Variants in HYCC2 observed in about 807,000 individuals in gnomAD.
HYCC2 encodes the protein hyccin PI4KA lipid kinase complex subunit 2.
At chr2:201,010,221 C>T in the HYCC2 span, among the ~76,000 whole-genome samples, 1 of 152,088 alleles carries the variant, frequency 6.6e-6, no homozygotes. Flanking sequence ...CAGAAATATA[C>T]TGTGCTAAAA....
At chr2:201,071,092 T>C in the HYCC2 span, among the ~76,000 whole-genome samples, 1 of 152,188 alleles carries the variant, frequency 6.6e-6, no homozygotes, top group Admixed American at 6.5e-5. Flanking sequence ...ACCTAGTTGT[T>C]TGGGTAAATA....
the HYCC2 span, chr2:201,022,639 T>C: frequency 1.2e-5 from 5 of 429,186 alleles, no homozygotes; most frequent in African/African-American, 2.1e-5. Flanking sequence ...CAGGAAAAAA[T>C]TTGACCAAAA....
At chr2:200,981,977 T>C in the HYCC2 span, 1 of 1,225,204 alleles carries the variant, frequency 8.2e-7, no homozygotes, top group Non-Finnish European at 1.1e-6. This position sits in a 1 kb window ranked among gnomAD's most constrained non-coding sequence, Gnocchi z 4.5. Context: ...CTATAGGTTG[T>C]CAATGGCCCT....
At chr2:201,005,982 C>A in the HYCC2 span, among the ~76,000 whole-genome samples, 2 of 151,966 alleles carry the variant, frequency 1.3e-5, no homozygotes, top group African/African-American at 2.4e-5. Flanking sequence ...TACAGGCATG[C>A]GCCACCACGC....
chr2:200,998,678 T>C, the HYCC2 span, among the ~76,000 whole-genome samples: 1 of 152,222 alleles, frequency 6.6e-6, no homozygotes, highest in Non-Finnish European at 1.5e-5. Flanking sequence ...TAAATCTGGA[T>C]GCACATTAGT....
chr2:201,055,741 T>C, the HYCC2 span, among the ~76,000 whole-genome samples: 4 of 152,074 alleles, frequency 2.6e-5, no homozygotes, highest in Admixed American at 2.6e-4. Context: ...CAAGTTATCA[T>C]AGCTCAGCCT....
the HYCC2 span, chr2:201,016,883 G>A: frequency 2.7e-6 from 3 of 1,101,488 alleles, no homozygotes; most frequent in Non-Finnish European, 3.9e-6. Flanking sequence ...TTACAGGCAT[G>A]AGCCACTGCG....
chr2:201,023,684 C>T, the HYCC2 span: 2 of 238,264 alleles, frequency 8.4e-6, no homozygotes, highest in Non-Finnish European at 1.6e-5. Context: ...GATGGATCTT[C>T]TCTTTTACTG....
the HYCC2 span, chr2:201,063,612 G>A: frequency 6.3e-7 from 1 of 1,580,038 alleles, no homozygotes; most frequent in Non-Finnish European, 8.6e-7. Context: ...GGCCACAACT[G>A]TGAAGTTAGA....
At chr2:201,050,355 T>A in the HYCC2 span, among the ~76,000 whole-genome samples, 3 of 151,770 alleles carry the variant, frequency 2.0e-5, no homozygotes, top group Non-Finnish European at 4.4e-5. Flanking sequence ...AATAAAGAAA[T>A]GGAATGTATT....
the HYCC2 span, among the ~76,000 whole-genome samples, chr2:200,984,609 G>C: frequency 3.3e-5 from 5 of 152,220 alleles, no homozygotes; most frequent in Non-Finnish European, 5.9e-5. Flanking sequence ...GCTTGGTGGG[G>C]TATGGTGGCT....
the HYCC2 span, among the ~76,000 whole-genome samples, chr2:201,029,796 G>A: frequency 6.6e-6 from 1 of 152,132 alleles, no homozygotes; most frequent in Non-Finnish European, 1.5e-5. Context: ...GGGGGATGGG[G>A]GAAGGATAGC....
chr2:200,989,423 C>G, the HYCC2 span, among the ~76,000 whole-genome samples: 1 of 152,046 alleles, frequency 6.6e-6, no homozygotes, highest in African/African-American at 2.4e-5. Flanking sequence ...GATTAGGAAA[C>G]AAATGGGAAT....
the HYCC2 span, among the ~76,000 whole-genome samples, chr2:201,002,629 G>A: frequency 1.4e-4 from 21 of 151,534 alleles, no homozygotes; most frequent in Non-Finnish European, 2.4e-4. Context: ...GGGTTCAAGC[G>A]ATTCTCCTGC....
At chr2:201,010,438 G>A in the HYCC2 span, among the ~76,000 whole-genome samples, 1 of 152,192 alleles carries the variant, frequency 6.6e-6, no homozygotes, top group Non-Finnish European at 1.5e-5. Flanking sequence ...AAAGGCCACT[G>A]CAGACCACAA....
At chr2:201,034,589 G>A in the HYCC2 span, among the ~76,000 whole-genome samples, 1 of 152,272 alleles carries the variant, frequency 6.6e-6, no homozygotes, top group South Asian at 2.1e-4. Context: ...TTTAATTGGA[G>A]GATTTAGCCC....
the HYCC2 span, among the ~76,000 whole-genome samples, chr2:201,016,171 A>T: frequency 2.6e-5 from 4 of 151,986 alleles, no homozygotes; most frequent in Non-Finnish European, 5.9e-5. Flanking sequence ...TAATAATACA[A>T]TCAATTATAG....
chr2:201,050,866 C>T, the HYCC2 span, among the ~76,000 whole-genome samples: 2 of 151,948 alleles, frequency 1.3e-5, no homozygotes, highest in Non-Finnish European at 2.9e-5. Flanking sequence ...ACCCAGGAGG[C>T]GGAGGTTGCA....
the HYCC2 span, among the ~76,000 whole-genome samples, chr2:201,004,415 TG>T: frequency 6.6e-6 from 1 of 152,162 alleles, no homozygotes; most frequent in Non-Finnish European, 1.5e-5. Context: ...AATGCAGAGA[TG>T]GGTTGAATTT....
Sources: gnomAD v4.1 joint callset for allele counts (sites outside exome capture counted in the v4.1 genomes callset) on GRCh38, gnomAD v4.1.1 for gene constraint, Gnocchi (gnomAD v3.1) non-coding constraint, MANE v1.5 for transcripts, NCBI Gene and HGNC (gene_info 2026-07-23, HGNC 2026-07-21) for gene names.